Variants in SPOCK1 observed in about 807,000 individuals in gnomAD.
SPOCK1 encodes the protein testican-1.
In SPOCK1, 23 loss-of-function variants were observed where a neutral mutation model predicts 55.3. That is an observed-to-expected ratio of 0.42 (90% CI 0.30 to 0.59). The LOEUF (loss-of-function observed/expected upper bound fraction) is 0.59, where lower values mean the gene tolerates loss of function less well. Ranked by LOEUF, SPOCK1 falls within the 20% of genes least tolerant of loss-of-function variation. SPOCK1 has a pLI of 0.22. For missense variants in SPOCK1, 499 were observed against 552.5 expected, an observed-to-expected ratio of 0.90 and a Z score of 0.97; for synonymous variants, 226 against 221.0, an observed-to-expected ratio of 1.02 and a Z score of -0.20.
intron 3 of SPOCK1, among the ~76,000 whole-genome samples, chr5:137,215,289 C>T (rs1237097445): frequency 1.3e-5 from 2 of 152,184 alleles, no homozygotes; most frequent in Non-Finnish European, 2.9e-5. Context: ...GTCTTCCAGG[C>T]AGCCTCACCC....
rs149900254 is a variant in SPOCK1, at chr5:137,282,491, G to A, written c.187-15436C>T. ...GTCTGCAGGCGTCCTGCCTAGGAAC[G>A]TCTACATCAAATCCTGATGGGCCCA... On this transcript the variant is annotated intron_variant, in intron 2 of 10. Coordinates refer to ENST00000394945, the MANE Select transcript of SPOCK1 (RefSeq NM_004598.4). 1.5e-4 allele frequency among the ~76,000 whole-genome samples: 23 copies of A among 152,358 alleles called. No homozygotes were observed. The East Asian group carries it at 3.7e-3, about 24-fold the overall frequency.
chr5:137,304,392 C>G (rs1358321872), intron 2 of SPOCK1, among the ~76,000 whole-genome samples: 1 of 152,166 alleles, frequency 6.6e-6, no homozygotes, highest in South Asian at 2.1e-4. Flanking sequence ...GCTGCTTTTC[C>G]TCTCAGGCTT....
intron 2 of SPOCK1, among the ~76,000 whole-genome samples, chr5:137,351,929 A>G (rs1346071850): frequency 1.3e-5 from 2 of 152,192 alleles, no homozygotes; most frequent in African/African-American, 4.8e-5. Context: ...ACAGTGGAGA[A>G]CCTACATGAG....
chr5:137,011,414 C>T (rs1490749424), intron 6 of SPOCK1, among the ~76,000 whole-genome samples: 3 of 152,128 alleles, frequency 2.0e-5, no homozygotes, highest in African/African-American at 7.2e-5. Context: ...CATAACGTGC[C>T]TTGAGATTGA....
chr5:137,252,450 G>T (rs1756552550), intron 3 of SPOCK1, among the ~76,000 whole-genome samples: 1 of 152,216 alleles, frequency 6.6e-6, no homozygotes. Flanking sequence ...GTATGCAAAA[G>T]TTCCTAGAAT....
chr5:137,038,121 A>G (rs1179416112), intron 6 of SPOCK1, among the ~76,000 whole-genome samples: 1 of 152,188 alleles, frequency 6.6e-6, no homozygotes, highest in African/African-American at 2.4e-5. Context: ...GAAGAAAGAA[A>G]TGCCACTGAA....
intron 2 of SPOCK1, among the ~76,000 whole-genome samples, chr5:137,268,923 A>G (rs1238112217): frequency 6.6e-6 from 1 of 152,216 alleles, no homozygotes; most frequent in Non-Finnish European, 1.5e-5. Flanking sequence ...AGTTCCTTTA[A>G]CTTTAATTTC....
intron 6 of SPOCK1, among the ~76,000 whole-genome samples, chr5:136,999,296 C>T (rs1194709143): frequency 1.3e-5 from 2 of 152,020 alleles, no homozygotes; most frequent in Admixed American, 6.6e-5. Context: ...TTAGACTCCC[C>T]GGGCAGTAGT....
chr5:137,271,589 T>C (rs2127119403), intron 2 of SPOCK1, among the ~76,000 whole-genome samples: 1 of 152,346 alleles, frequency 6.6e-6, no homozygotes, highest in South Asian at 2.1e-4. Context: ...CAGCCCATTT[T>C]GAATAAGAAC....
chr5:137,352,210 G>A (rs889256941), intron 2 of SPOCK1, among the ~76,000 whole-genome samples: 11 of 152,210 alleles, frequency 7.2e-5, no homozygotes, highest in African/African-American at 2.4e-4. Flanking sequence ...CCGCCAACCA[G>A]CTGCAGTTAC....
intron 6 of SPOCK1, among the ~76,000 whole-genome samples, chr5:137,021,619 A>G (rs2126980264): frequency 6.6e-6 from 1 of 152,356 alleles, no homozygotes; most frequent in East Asian, 1.9e-4. Context: ...TCATTAAGGT[A>G]GTTCTGAGCC....
intron 3 of SPOCK1, among the ~76,000 whole-genome samples, chr5:137,216,494 T>C (rs1452771018): frequency 6.6e-6 from 1 of 152,142 alleles, no homozygotes; most frequent in Non-Finnish European, 1.5e-5. Context: ...GTGGATCACT[T>C]GAGGTCAGGA....
chr5:137,095,673 C>T (rs989384030), intron 5 of SPOCK1, among the ~76,000 whole-genome samples: 7 of 152,310 alleles, frequency 4.6e-5, no homozygotes, highest in Middle Eastern at 3.4e-3. Flanking sequence ...GACAGCCAGG[C>T]TGGCAAGCAG....
At chr5:137,104,970 T>G (rs773785147) in intron 5 of SPOCK1, among the ~76,000 whole-genome samples, 3 of 152,196 alleles carry the variant, frequency 2.0e-5, no homozygotes, top group Admixed American at 6.5e-5. Context: ...AACTGGTCCC[T>G]GTGCCAAAAA....
intron 2 of SPOCK1, among the ~76,000 whole-genome samples, chr5:137,401,872 T>C (rs1436843428): frequency 6.6e-6 from 1 of 152,130 alleles, no homozygotes; most frequent in Admixed American, 6.6e-5. Context: ...CCACACCTTC[T>C]CTCTCACCCA....
chr5:137,010,843 G>T (rs1476157427), intron 6 of SPOCK1, among the ~76,000 whole-genome samples: 1 of 152,124 alleles, frequency 6.6e-6, no homozygotes, highest in Non-Finnish European at 1.5e-5. Context: ...ATCCCACCCT[G>T]ATAACACCTC....
At chr5:137,474,343 T>C (rs1753794762) in intron 2 of SPOCK1, among the ~76,000 whole-genome samples, 1 of 152,184 alleles carries the variant, frequency 6.6e-6, no homozygotes, top group Admixed American at 6.5e-5. Context: ...AGTAAATGTA[T>C]TGATATTATT....
chr5:137,361,688 G>A (rs150466455), intron 2 of SPOCK1, among the ~76,000 whole-genome samples: 1,948 of 152,272 alleles, frequency 0.013, 78 homozygotes, highest in Admixed American at 0.086. Context: ...ACTTGTTGCC[G>A]TTGTCTTCAT....
chr5:137,334,811 T>A (rs1161375109), intron 2 of SPOCK1, among the ~76,000 whole-genome samples: 1 of 152,148 alleles, frequency 6.6e-6, no homozygotes, highest in East Asian at 1.9e-4. Flanking sequence ...ACAGGAGAGA[T>A]GCTCACAGCC....
Sources: gnomAD v4.1 joint callset for allele counts (sites outside exome capture counted in the v4.1 genomes callset) on GRCh38, gnomAD v4.1.1 for gene constraint, MANE v1.5 for transcripts, NCBI Gene and HGNC (gene_info 2026-07-23, HGNC 2026-07-21) for gene names.